Variants in ACSL5 observed in about 807,000 individuals in gnomAD.
ACSL5 encodes acyl-CoA synthetase long chain family member 5.
ACSL5 carries 50 observed loss-of-function variants against 84.9 expected under a neutral mutation model. The observed-to-expected ratio is 0.59, with a 90% CI of 0.47 to 0.75. The LOEUF (loss-of-function observed/expected upper bound fraction) is 0.75. Ranked by LOEUF, ACSL5 falls within the 30% of genes least tolerant of loss-of-function variation. The probability of loss-of-function intolerance (pLI) is 0.00; values close to 1 mark genes in which losing one functional copy is unlikely to be tolerated. For synonymous variants in ACSL5, 280 were observed against 300.7 expected (o/e 0.93, Z 0.71); for missense variants, 775 against 830.4 (o/e 0.93, Z 0.82).
At chr10:112,406,085 G>A (rs931997912) in intron 5 of ACSL5, 1 of 151,986 alleles carries the variant, frequency 6.6e-6, no homozygotes, top group African/African-American at 2.4e-5. Context: ...TCCACAAGCA[G>A]ACCCTTACAG....
Position 112,422,003 on chromosome 10 carries a change from A to G in ACSL5, c.1444A>G (p.Met482Val). The G allele has an allele frequency of 6.2e-7, 1 of 1,614,234 alleles. No individual in the cohort carries two copies. Among genetic ancestry groups the G allele is most frequent in the Non-Finnish European group, 8.5e-7 (1 of 1,180,038 alleles). The change falls in exon 16 of 21, where the codon ATG becomes GTG. Residue 482 changes from methionine to valine, a missense_variant. Met to Val is a conservative substitution (Grantham distance 21, BLOSUM62 1). Transcript: ENST00000354655. ...CGTGAAGCTGGAAGATGTGGCTGAC[A>G]TGAACTACTTTACAGTGAATAATGA... Reference protein sequence around the residue: ...NYVKLEDVADMNYFTVNNEGE... With the variant: ...NYVKLEDVADVNYFTVNNEGE...
chr10:112,413,397 C>T (rs1844232370), intron 12 of ACSL5, 90 bp downstream of exon 12: 1 of 1,443,404 alleles, frequency 6.9e-7, no homozygotes, highest in Non-Finnish European at 9.6e-7. Context: ...ACCTCTACCT[C>T]CACCCTCTAC....
At chr10:112,423,227 T>A (rs868471899) in intron 17 of ACSL5, among the ~76,000 whole-genome samples, 17 of 81,984 alleles carry the variant, frequency 2.1e-4, no homozygotes, top group Non-Finnish European at 2.9e-4. Flanking sequence ...AAAAAATATA[T>A]ATATATATAT....
At chr10:112,421,489 C>T in intron 14 of ACSL5, 104 bp from the exon 15 acceptor site, 7 of 1,019,130 alleles carry the variant, frequency 6.9e-6, no homozygotes, top group Non-Finnish European at 1.5e-6. Context: ...ACTAAGTGGT[C>T]TCGAACCCTT....
chr10:112,406,944 G>T (rs1471986790), intron 5 of ACSL5, among the ~76,000 whole-genome samples: 1 of 152,180 alleles, frequency 6.6e-6, no homozygotes, highest in African/African-American at 2.4e-5. Flanking sequence ...AGAAGAGGAG[G>T]TTTAATTGGA....
At chr10:112,378,464 C>T (rs1849286095) in intron 1 of ACSL5, among the ~76,000 whole-genome samples, 1 of 151,988 alleles carries the variant, frequency 6.6e-6, no homozygotes, top group Non-Finnish European at 1.5e-5. Flanking sequence ...CCAGGCTGGT[C>T]TCAAACTCCT....
chr10:112,404,287 T>A (rs1843978042), intron 3 of ACSL5, among the ~76,000 whole-genome samples: 1 of 152,228 alleles, frequency 6.6e-6, no homozygotes, highest in Admixed American at 6.5e-5. Context: ...GAACCACTCC[T>A]GTTTTGTGTA....
intron 6 of ACSL5, 127 bp from the exon 7 acceptor site, chr10:112,409,380 T>A: frequency 1.4e-6 from 1 of 719,400 alleles, no homozygotes; most frequent in Non-Finnish European, 2.3e-6. Context: ...ATAAATCTGA[T>A]TTGCAGGTGT....
At chr10:112,394,348 A>G (rs1207155666) in intron 1 of ACSL5, among the ~76,000 whole-genome samples, 1 of 152,222 alleles carries the variant, frequency 6.6e-6, no homozygotes, top group Non-Finnish European at 1.5e-5. Context: ...GATCTCAGAA[A>G]TCCTTCCGAT....
At position 112,409,759 on chromosome 10, in the gene ACSL5, A is replaced by G; in HGVS notation, c.711+74A>G. The G allele has an allele frequency of 3.4e-6, 5 of 1,464,668 alleles. No homozygotes were observed. In the South Asian group the frequency reaches 4.8e-5, roughly 14 times the overall value. 90.7% of individuals were successfully genotyped at this position (1,464,668 alleles called of 1,614,324 possible). A position where few individuals can be genotyped will look rare whatever the true frequency, so the allele number is the denominator to read the frequency against. Reference sequence around the variant, plus strand: ...TGGGCAACTTGCAAGATACCTTCCCAAGAGGACAGTGTTCTTGTTCTCCAG... The same window carrying G: ...TGGGCAACTTGCAAGATACCTTCCCGAGAGGACAGTGTTCTTGTTCTCCAG... On this transcript the variant is annotated intron_variant, in intron 7 of 20. Transcript: ENST00000354655.
intron 13 of ACSL5, 38 bp from the exon 14 acceptor site, chr10:112,417,808 G>A (rs537021327): frequency 6.4e-7 from 1 of 1,571,906 alleles, no homozygotes; most frequent in Non-Finnish European, 8.8e-7. Flanking sequence ...GAAGCCAAGA[G>A]AATAGGTTTT....
intron 2 of ACSL5, chr10:112,395,833 G>T (rs2133594237): frequency 6.6e-6 from 1 of 152,286 alleles, no homozygotes; most frequent in South Asian, 2.1e-4. Flanking sequence ...TTCTTCTGTT[G>T]TTTTTACAGT....
intron 1 of ACSL5, among the ~76,000 whole-genome samples, chr10:112,390,614 A>G (rs1376028821): frequency 6.6e-6 from 1 of 152,136 alleles, no homozygotes; most frequent in Admixed American, 6.6e-5. Flanking sequence ...CAATATCAAA[A>G]GTAGAAACAA....
chr10:112,381,969 AC>A (rs1315921166), intron 1 of ACSL5, among the ~76,000 whole-genome samples: 5 of 152,134 alleles, frequency 3.3e-5, no homozygotes, highest in African/African-American at 9.6e-5. Flanking sequence ...CCACACAGAC[AC>A]TTCTCCAGCC....
At chr10:112,410,226 G>A in intron 7 of ACSL5, 3 of 1,511,586 alleles carry the variant, frequency 2.0e-6, no homozygotes, top group Non-Finnish European at 2.7e-6. Context: ...GAGTACAATG[G>A]GAAGTTTGAA....
At chr10:112,382,470 T>C (rs961780349) in intron 1 of ACSL5, among the ~76,000 whole-genome samples, 2 of 152,218 alleles carry the variant, frequency 1.3e-5, no homozygotes. Flanking sequence ...ATGGTCACTA[T>C]GTGCATGAGT....
intron 1 of ACSL5, among the ~76,000 whole-genome samples, chr10:112,394,077 C>T (rs1218049759): frequency 6.6e-6 from 1 of 152,086 alleles, no homozygotes; most frequent in Non-Finnish European, 1.5e-5. Context: ...TAGGACCTAC[C>T]CTAAAGTTAG....
chr10:112,411,002 A>T (rs979045431), intron 9 of ACSL5, among the ~76,000 whole-genome samples: 1 of 152,000 alleles, frequency 6.6e-6, no homozygotes, highest in African/African-American at 2.4e-5. Flanking sequence ...CCCACCCTAC[A>T]TCCACCCATC....
chr10:112,383,405 G>A (rs1387476445), intron 1 of ACSL5, among the ~76,000 whole-genome samples: 3 of 152,266 alleles, frequency 2.0e-5, no homozygotes, highest in Non-Finnish European at 4.4e-5. Flanking sequence ...TGGCTGGGAA[G>A]TTATCAGCAG....
Sources: gnomAD v4.1 joint callset for allele counts (sites outside exome capture counted in the v4.1 genomes callset) on GRCh38, gnomAD v4.1.1 for gene constraint, MANE v1.5 for transcripts, NCBI Gene and HGNC (gene_info 2026-07-23, HGNC 2026-07-21) for gene names.